Variants in INTS4 observed in about 807,000 individuals in gnomAD.
The protein encoded by INTS4 is MSTP093.
INTS4 carries 70 observed loss-of-function variants against 119.5 expected under a neutral mutation model. The observed-to-expected ratio is 0.59, with a 90% CI of 0.48 to 0.71. INTS4 has a LOEUF of 0.71. Among genes scored for constraint, INTS4 ranks in the 30% least tolerant of loss-of-function variants. INTS4 has a pLI of 0.00. For missense variants in INTS4, 867 were observed against 1,173.2 expected (o/e 0.74, Z 3.81); for synonymous variants, 316 against 419.6 (o/e 0.75, Z 3.02).
At chr11:77,963,643 T>C (rs1855352308) in intron 4 of INTS4, among the ~76,000 whole-genome samples, 1 of 152,138 alleles carries the variant, frequency 6.6e-6, no homozygotes, top group African/African-American at 2.4e-5. Flanking sequence ...TGAAGTTGAA[T>C]AAGATAAAAA....
intron 22 of INTS4, among the ~76,000 whole-genome samples, chr11:77,881,573 A>G (rs1465010493): frequency 6.6e-6 from 1 of 152,198 alleles, no homozygotes; most frequent in Non-Finnish European, 1.5e-5. Context: ...ATGAAAAGAG[A>G]ATACTAATTT....
At chr11:77,947,332 A>C (rs1293406705) in intron 8 of INTS4, among the ~76,000 whole-genome samples, 1 of 152,182 alleles carries the variant, frequency 6.6e-6, no homozygotes, top group East Asian at 1.9e-4. Flanking sequence ...CATTCAACCC[A>C]AAAAGATCCT....
chr11:77,978,973 C>A lies in INTS4; in HGVS notation c.471+23G>T, dbSNP rs376811220. ...CCTCAGTTACCAGTTTAGGATGGAT[C>A]TGAATAGATTTTATACTCTTACCTT... On this transcript the variant is annotated intron_variant, in intron 4 of 22. Coordinates refer to ENST00000534064, the MANE Select transcript of INTS4 (RefSeq NM_033547.4). 69 of 1,463,860 alleles carry A rather than the reference C, an allele frequency of 4.7e-5. 1 individual carries two copies. The highest frequency in any genetic ancestry group is 6.4e-5 in the Non-Finnish European group (67 of 1,044,312). The allele number at this position is 1,463,860 out of a possible 1,614,324, so 90.7% of individuals were successfully genotyped here.
At chr11:77,885,688 G>A (rs772619460) in intron 21 of INTS4, among the ~76,000 whole-genome samples, 18 of 152,094 alleles carry the variant, frequency 1.2e-4, no homozygotes, top group African/African-American at 3.1e-4. Context: ...GTATGGTGGC[G>A]TGTGCCTGTA....
In INTS4 at chr11:77,994,490, C is replaced by G. The variant is rs2016147; in HGVS notation, c.54+100G>C. 7.6e-6 allele frequency: 7 copies of G among 917,612 alleles called. No homozygotes were observed. The Admixed American group carries it at 1.1e-4, about 14-fold the overall frequency. 56.8% of individuals were successfully genotyped at this position (917,612 alleles called of 1,614,324 possible). A position where few individuals can be genotyped will look rare whatever the true frequency, so the allele number is the denominator to read the frequency against. On this transcript the variant is annotated intron_variant, in intron 1 of 22. Coordinates refer to ENST00000534064, the MANE Select transcript of INTS4 (RefSeq NM_033547.4). ...AGATTATCAACAAGTCAGCACTTAA[C>G]ACGGGCGTATGGAGCCTCTTCTGTT...
Position 77,948,654 on chromosome 11 carries a change from C to CA in INTS4, c.918+7287dup, listed in dbSNP as rs138277574. Among the ~76,000 whole-genome samples, 141 of 91,374 alleles carry CA rather than the reference C, an allele frequency of 1.5e-3. 2 individuals carry two copies. Among genetic ancestry groups the CA allele is most frequent in the South Asian group, 7.4e-3 (19 of 2,560 alleles). 59.9% of individuals were successfully genotyped at this position (91,374 alleles called of 152,430 possible). A position where few individuals can be genotyped will look rare whatever the true frequency, so the allele number is the denominator to read the frequency against. ...GGAGTGAGACCCTGTCTCAAAGAAA[C>CA]AAAAAAAAAAAAACAAAAAAAAAAA... On this transcript the variant is annotated intron_variant, in intron 8 of 22. Transcript: ENST00000534064.
rs71046921 is a variant in INTS4, at chr11:77,895,527, GAAAAAAAAAAAA to G, written c.2229-1190_2229-1179del. ...CAACATTCATTCTAATTCTTTTCCT[GAAAAAAAAAAAA>G]AAAAAAAAAAAAAAAAAAGTAGCAC... is the stretch of plus-strand genomic sequence containing the variant. On this transcript the variant is annotated intron_variant, in intron 18 of 22. Coordinates refer to ENST00000534064, the MANE Select transcript of INTS4 (RefSeq NM_033547.4). Among the ~76,000 whole-genome samples the G allele has an allele frequency of 7.2e-3, 284 of 39,266 alleles. 5 individuals are homozygous for G. The highest frequency in any genetic ancestry group is 0.057 in the Admixed American group (136 of 2,404). The allele number at this position is 39,266 out of a possible 152,430, so 25.8% of individuals were successfully genotyped here.
intron 9 of INTS4, 43 bp downstream of exon 9, chr11:77,941,137 T>C (rs557065981): frequency 6.2e-7 from 1 of 1,603,192 alleles, no homozygotes; most frequent in Non-Finnish European, 8.5e-7. Flanking sequence ...CCCACTACAT[T>C]GGTTACAGAA....
chr11:77,894,271 A>C lies in INTS4; in HGVS notation c.2288+19T>G, dbSNP rs1389338340. On this transcript the variant is annotated intron_variant, in intron 19 of 22. Coordinates refer to ENST00000534064, the MANE Select transcript of INTS4 (RefSeq NM_033547.4). Reference sequence around the variant, plus strand: ...TGTAACCAAGATTTAATAAGCCAGAAGAGTTATAAAATACTTACCTCTGAA... The same window carrying C: ...TGTAACCAAGATTTAATAAGCCAGACGAGTTATAAAATACTTACCTCTGAA... 1 of 1,340,270 alleles carries C rather than the reference A, an allele frequency of 7.5e-7. No homozygotes were observed. The highest frequency in any genetic ancestry group is 1.5e-5 in the African/African-American group (1 of 68,424). The allele number at this position is 1,340,270 out of a possible 1,614,324, so 83.0% of individuals were successfully genotyped here.
downstream of INTS4, among the ~76,000 whole-genome samples, chr11:77,876,108 G>C (rs1951586851): frequency 6.6e-6 from 1 of 152,122 alleles, no homozygotes; most frequent in Non-Finnish European, 1.5e-5. Flanking sequence ...AGAGGACTAA[G>C]AAACATGAAG....
At chr11:77,934,394 T>A (rs1306034954) in intron 10 of INTS4, among the ~76,000 whole-genome samples, 21 of 125,346 alleles carry the variant, frequency 1.7e-4, no homozygotes, top group South Asian at 2.6e-4. Context: ...CAATAAATAC[T>A]AAAAAAAAAA....
chr11:77,981,837 A>G (rs1219050520), intron 2 of INTS4, among the ~76,000 whole-genome samples: 2 of 151,944 alleles, frequency 1.3e-5, no homozygotes, highest in African/African-American at 2.4e-5. Flanking sequence ...TCTTGGCTCA[A>G]TGCAACCTCT....
At chr11:77,977,016 T>C (rs551447823) in intron 4 of INTS4, among the ~76,000 whole-genome samples, 1 of 152,194 alleles carries the variant, frequency 6.6e-6, no homozygotes, top group African/African-American at 2.4e-5. Context: ...ACATGGCACA[T>C]GTATACATAT....
At chr11:77,884,505 C>T (rs1951917363) in intron 21 of INTS4, among the ~76,000 whole-genome samples, 1 of 152,202 alleles carries the variant, frequency 6.6e-6, no homozygotes, top group Non-Finnish European at 1.5e-5. Flanking sequence ...GACCTCCCAG[C>T]TCCCTGTGTA....
In INTS4 at chr11:77,891,821, G is replaced by A; in HGVS notation, c.2308C>T (p.Pro770Ser). 3.7e-6 allele frequency: 6 copies of A among 1,611,446 alleles called. No homozygotes were observed. The highest frequency in any genetic ancestry group is 5.1e-6 in the Non-Finnish European group (6 of 1,179,476). ...TCCACAAAGCTGTCCTGCAAGTGGGGCAAATCAGCGATGAAATACCTGGAG... is the reference window on the plus strand; with the variant it reads ...TCCACAAAGCTGTCCTGCAAGTGGGACAAATCAGCGATGAAATACCTGGAG... ...FFQRYFIADLPHLQDSFVDKL... is the reference protein window; with the variant it reads ...FFQRYFIADLSHLQDSFVDKL... Residue 770 changes from proline to serine, a missense_variant, in exon 20 of 23, where the codon CCC becomes TCC. This residue lies in a region of INTS4 where 262 missense variants were observed against 376.0 expected (regional missense o/e 0.70). Transcript: ENST00000534064.
intron 4 of INTS4, among the ~76,000 whole-genome samples, chr11:77,968,816 CAT>C (rs1051768066): frequency 2.6e-5 from 4 of 151,402 alleles, no homozygotes; most frequent in East Asian, 1.9e-4. Flanking sequence ...GAACTGAAAA[CAT>C]ATATATATAT....
At chr11:77,936,001 C>A (rs1953782340) in intron 10 of INTS4, among the ~76,000 whole-genome samples, 1 of 151,584 alleles carries the variant, frequency 6.6e-6, no homozygotes, top group Non-Finnish European at 1.5e-5. Flanking sequence ...AAATGCTACT[C>A]TAATCCTGCC....
intron 8 of INTS4, among the ~76,000 whole-genome samples, chr11:77,954,120 T>A (rs2136563245): frequency 6.6e-6 from 1 of 152,292 alleles, no homozygotes; most frequent in African/African-American, 2.4e-5. Flanking sequence ...AAATTTTCAA[T>A]AAATGTGCTG....
intron 7 of INTS4, 45 bp downstream of exon 7, chr11:77,958,701 A>C (rs1954390115): frequency 8.4e-7 from 1 of 1,192,380 alleles, no homozygotes; most frequent in Non-Finnish European, 1.2e-6. Flanking sequence ...GAGGAGAGGA[A>C]AACGGCTTCA....
Sources: gnomAD v4.1 joint callset for allele counts (sites outside exome capture counted in the v4.1 genomes callset) on GRCh38, gnomAD v4.1.1 for gene constraint, gnomAD v4.1.1 regional missense constraint, MANE v1.5 for transcripts, NCBI Gene and HGNC (gene_info 2026-07-23, HGNC 2026-07-21) for gene names.